CADPS: variants seen among roughly 807,000 people sequenced by gnomAD.
CADPS encodes the protein calcium-dependent secretion activator 1.
A neutral mutation model predicts 167.3 loss-of-function variants in CADPS; 57 were observed. The ratio of observed to expected loss-of-function variants is 0.34; its 90% CI spans 0.28 to 0.42. The LOEUF is 0.42. CADPS is among the 20% of genes least tolerant of loss of function. The probability of loss-of-function intolerance (pLI) is 1.00; values close to 1 mark genes in which losing one functional copy is unlikely to be tolerated. For missense variants in CADPS, 1,414 were observed against 1,738.1 expected (o/e 0.81, Z 3.32); for synonymous variants, 676 against 635.3 (o/e 1.06, Z -0.96).
chr3:62,430,557 C>T (rs934252612), intron 28 of CADPS, among the ~76,000 whole-genome samples: 1 of 152,018 alleles, frequency 6.6e-6, no homozygotes, highest in African/African-American at 2.4e-5. Context: ...TTGGAAGTAT[C>T]CTGAGGTTCA....
intron 1 of CADPS, among the ~76,000 whole-genome samples, chr3:62,827,187 A>C (rs1196673408): frequency 6.6e-6 from 1 of 152,192 alleles, no homozygotes; most frequent in African/African-American, 2.4e-5. Context: ...ATAGCTGGAA[A>C]TACAATATAA....
intron 6 of CADPS, among the ~76,000 whole-genome samples, chr3:62,604,073 G>T (rs1170958907): frequency 7.9e-5 from 12 of 151,870 alleles, no homozygotes; most frequent in Non-Finnish European, 1.2e-4. Flanking sequence ...CTCGTGATCA[G>T]CCCGCCTCAG....
At chr3:62,733,945 T>G (rs2078460511) in intron 3 of CADPS, among the ~76,000 whole-genome samples, 1 of 152,204 alleles carries the variant, frequency 6.6e-6, no homozygotes, top group Non-Finnish European at 1.5e-5. Context: ...ATGTAATAGT[T>G]TTCCATTCCT....
chr3:62,850,648 A>G (rs1317906446), intron 1 of CADPS, among the ~76,000 whole-genome samples: 1 of 150,496 alleles, frequency 6.6e-6, no homozygotes, highest in African/African-American at 2.4e-5. Context: ...ATAGTTTGTT[A>G]TAATTTCTGT....
chr3:62,763,743 C>T (rs2086145912), intron 2 of CADPS, among the ~76,000 whole-genome samples: 1 of 152,160 alleles, frequency 6.6e-6, no homozygotes, highest in Non-Finnish European at 1.5e-5. Flanking sequence ...GATTAGACTT[C>T]CCTGGAAAAG....
chr3:62,562,196 A>G (rs936492331), intron 9 of CADPS, among the ~76,000 whole-genome samples: 2 of 152,202 alleles, frequency 1.3e-5, no homozygotes, highest in African/African-American at 4.8e-5. Flanking sequence ...AGCATGGAGA[A>G]AATTTTTATG....
intron 28 of CADPS, among the ~76,000 whole-genome samples, chr3:62,413,787 G>A (rs1231955134): frequency 1.3e-5 from 2 of 151,888 alleles, no homozygotes; most frequent in Non-Finnish European, 2.9e-5. Context: ...AAGAAAGATG[G>A]GAAATAAAAA....
chr3:62,719,149 C>G (rs9880593), intron 3 of CADPS, among the ~76,000 whole-genome samples: 25,772 of 152,076 alleles, frequency 0.17, 2,773 homozygotes, highest in African/African-American at 0.32. Context: ...CTGAAGAGAC[C>G]TAAGCTGGGA....
chr3:62,693,852 G>T (rs1234097573), intron 3 of CADPS, among the ~76,000 whole-genome samples: 1 of 151,514 alleles, frequency 6.6e-6, no homozygotes, highest in Non-Finnish European at 1.5e-5. Flanking sequence ...TAAAAACTCT[G>T]AGTTTCTTCA....
chr3:62,735,917 C>A (rs1456595194), intron 3 of CADPS, among the ~76,000 whole-genome samples: 1 of 152,126 alleles, frequency 6.6e-6, no homozygotes, highest in East Asian at 1.9e-4. Context: ...ATAAAGCTCT[C>A]CGGGTCTCTT....
intron 1 of CADPS, among the ~76,000 whole-genome samples, chr3:62,842,117 A>G (rs1487580845): frequency 6.6e-6 from 1 of 152,238 alleles, no homozygotes; most frequent in Non-Finnish European, 1.5e-5. Context: ...ACAAATCTAC[A>G]TGGACCTCAT....
At chr3:62,741,658 G>C (rs144255202) in intron 3 of CADPS, among the ~76,000 whole-genome samples, 13,900 of 152,144 alleles carry the variant, frequency 0.091, 676 homozygotes, top group South Asian at 0.16. Flanking sequence ...CAAACCCACA[G>C]CCAACATCAT....
intron 3 of CADPS, among the ~76,000 whole-genome samples, chr3:62,671,147 C>T (rs1054047274): frequency 6.6e-6 from 1 of 152,050 alleles, no homozygotes; most frequent in Non-Finnish European, 1.5e-5. Flanking sequence ...GTTATGAAAA[C>T]GAAAGAAGAT....
chr3:62,689,120 G>C (rs928987023), intron 3 of CADPS, among the ~76,000 whole-genome samples: 1 of 151,950 alleles, frequency 6.6e-6, no homozygotes, highest in Non-Finnish European at 1.5e-5. Flanking sequence ...AGTTCTAACA[G>C]TGAACACATG....
intron 8 of CADPS, among the ~76,000 whole-genome samples, chr3:62,577,997 T>C (rs967135002): frequency 3.9e-5 from 6 of 152,006 alleles, no homozygotes; most frequent in South Asian, 2.1e-4. Context: ...AACAACAAAA[T>C]AAGTTTAAAC....
chr3:62,556,223 C>T (rs1483919928), intron 10 of CADPS, among the ~76,000 whole-genome samples: 2 of 152,200 alleles, frequency 1.3e-5, no homozygotes, highest in Admixed American at 1.3e-4. Flanking sequence ...GTTGGTTCTG[C>T]TCATGAAGGA....
At chr3:62,827,965 G>A (rs187027697) in intron 1 of CADPS, among the ~76,000 whole-genome samples, 6 of 152,276 alleles carry the variant, frequency 3.9e-5, no homozygotes, top group East Asian at 1.9e-4. Flanking sequence ...TAAGGAAAAT[G>A]TGGTTCACAG....
intron 17 of CADPS, among the ~76,000 whole-genome samples, chr3:62,502,172 A>G (rs1253997271): frequency 6.6e-6 from 1 of 152,220 alleles, no homozygotes; most frequent in Non-Finnish European, 1.5e-5. Flanking sequence ...CTGTACTACT[A>G]GCTAAATGGC....
intron 1 of CADPS, among the ~76,000 whole-genome samples, chr3:62,849,572 A>T (rs934117501): frequency 2.4e-5 from 3 of 126,568 alleles, no homozygotes; most frequent in African/African-American, 9.0e-5. Context: ...TATATGCTGG[A>T]TTACATTTAT....
Sources: gnomAD v4.1 joint callset for allele counts (sites outside exome capture counted in the v4.1 genomes callset) on GRCh38, gnomAD v4.1.1 for gene constraint, MANE v1.5 for transcripts, NCBI Gene and HGNC (gene_info 2026-07-23, HGNC 2026-07-21) for gene names.